GALNT16: variants seen among roughly 807,000 people sequenced by gnomAD.
GALNT16 encodes the protein UDP-GalNAc:polypeptide N-acetylgalactosaminyltransferase-like protein 1.
A neutral mutation model predicts 76.1 loss-of-function variants in GALNT16; 40 were observed. The observed-to-expected ratio is 0.53, with a 90% CI of 0.41 to 0.68. The LOEUF (loss-of-function observed/expected upper bound fraction) is 0.68, where lower values mean the gene tolerates loss of function less well. GALNT16 is among the 30% of genes least tolerant of loss of function. The pLI, the probability that GALNT16 is intolerant of heterozygous loss-of-function variation, is 0.00. For missense variants in GALNT16, 621 were observed against 731.9 expected (o/e 0.85, Z 1.75); for synonymous variants, 276 against 285.2 (o/e 0.97, Z 0.32).
At chr14:69,323,079 G>A (rs967664210) in intron 2 of GALNT16, among the ~76,000 whole-genome samples, 4 of 152,082 alleles carry the variant, frequency 2.6e-5, no homozygotes, top group Non-Finnish European at 5.9e-5. Context: ...CAGTTTGCTG[G>A]TAGAAGCTGC....
chr14:69,283,825 C>T (rs532250761), intron 1 of GALNT16, among the ~76,000 whole-genome samples: 17 of 152,274 alleles, frequency 1.1e-4, no homozygotes, highest in African/African-American at 4.1e-4. Flanking sequence ...CTCGTCTTCC[C>T]TGTGTCATGT....
chr14:69,285,561 T>A (rs1248150833), intron 1 of GALNT16, among the ~76,000 whole-genome samples: 1 of 152,114 alleles, frequency 6.6e-6, no homozygotes, highest in Non-Finnish European at 1.5e-5. Context: ...TTAAGAAAGA[T>A]CCTTTAATTT....
At chr14:69,275,509 TTG>T (rs1325794229) in intron 1 of GALNT16, among the ~76,000 whole-genome samples, 2 of 152,222 alleles carry the variant, frequency 1.3e-5, no homozygotes, top group Admixed American at 1.3e-4. Context: ...TATATCATCC[TTG>T]GGTGTGTCTA....
chr14:69,301,937 C>A (rs951887530), intron 1 of GALNT16, among the ~76,000 whole-genome samples: 1 of 152,086 alleles, frequency 6.6e-6, no homozygotes, highest in Non-Finnish European at 1.5e-5. Flanking sequence ...TGCAGTGAGC[C>A]GAGATGGCGC....
At chr14:69,384,397 A>G in the GALNT16 span, among the ~76,000 whole-genome samples, 2 of 152,222 alleles carry the variant, frequency 1.3e-5, no homozygotes, top group Admixed American at 6.5e-5. Context: ...GCCTTGTCAA[A>G]GGGAGCTAGC....
intron 1 of GALNT16, among the ~76,000 whole-genome samples, chr14:69,319,828 T>C (rs1222023857): frequency 1.3e-5 from 2 of 152,240 alleles, no homozygotes; most frequent in Non-Finnish European, 1.5e-5. Context: ...GATGCATCAC[T>C]GTCTGAGCAC....
chr14:69,260,492 G>C (rs2044249949), intron 1 of GALNT16, 25 bp downstream of exon 1: 4 of 1,345,822 alleles, frequency 3.0e-6, no homozygotes, highest in Non-Finnish European at 3.8e-6. Flanking sequence ...AGCGTCGGCC[G>C]GCCGGCTAGG....
the GALNT16 span, among the ~76,000 whole-genome samples, chr14:69,377,804 C>CAAAAAAAAAAAAAAAAAAAA: frequency 2.7e-5 from 1 of 37,486 alleles, no homozygotes; most frequent in Non-Finnish European, 4.6e-5. Flanking sequence ...GAGACTGTCT[C>CAAAAAAAAAAAAAAAAAAAA]AAAAAAAAAA....
intron 12 of GALNT16, among the ~76,000 whole-genome samples, chr14:69,346,022 G>A (rs1269630468): frequency 6.6e-6 from 1 of 151,830 alleles, no homozygotes; most frequent in Non-Finnish European, 1.5e-5. Context: ...CAAGTACGTG[G>A]GACTATAGGC....
intron 1 of GALNT16, among the ~76,000 whole-genome samples, chr14:69,281,393 C>T (rs187933186): frequency 1.1e-3 from 163 of 152,252 alleles, no homozygotes; most frequent in African/African-American, 3.6e-3. Flanking sequence ...CATATAAAGA[C>T]GGGGAGAACC....
At chr14:69,365,176 G>C in the GALNT16 span, among the ~76,000 whole-genome samples, 88 of 152,292 alleles carry the variant, frequency 5.8e-4, no homozygotes, top group African/African-American at 2.1e-3. Context: ...TCCCTAAACT[G>C]TTTCCAAATG....
At position 69,325,977 on chromosome 14, in the gene GALNT16, T is replaced by A; in HGVS notation, c.518T>A (p.Leu173His). 1 of 1,613,974 alleles carries A rather than the reference T, an allele frequency of 6.2e-7. No individual in the cohort carries two copies. The change falls in exon 5 of 15, where the codon CTC becomes CAC. Residue 173 changes from leucine (L) to histidine (H), a missense_variant. Coordinates refer to ENST00000448469, the MANE Select transcript of GALNT16 (RefSeq NM_001168368.2). ...GCATCCTCAGCGGAAGACTGTCTAC[T>A]CCTGACCAGGATCCCCAAGGTCAAG... Reference protein sequence around the residue: ...DFSSDPEDCLLLTRIPKVKCL... With the variant: ...DFSSDPEDCLHLTRIPKVKCL...
At chr14:69,312,608 C>T (rs57936476) in intron 1 of GALNT16, among the ~76,000 whole-genome samples, 1 of 152,172 alleles carries the variant, frequency 6.6e-6, no homozygotes, top group Non-Finnish European at 1.5e-5. Context: ...GCTGAGAGGA[C>T]CCAGGAAATC....
the GALNT16 span, among the ~76,000 whole-genome samples, chr14:69,385,916 C>T: frequency 3.3e-5 from 5 of 152,212 alleles, no homozygotes; most frequent in Non-Finnish European, 7.3e-5. Context: ...TCCTAAGACA[C>T]TCTCCTTCAC....
chr14:69,323,838 A>G (rs549701409), intron 2 of GALNT16, among the ~76,000 whole-genome samples: 4 of 152,320 alleles, frequency 2.6e-5, no homozygotes, highest in Non-Finnish European at 4.4e-5. Flanking sequence ...GAATGCCACA[A>G]TGAAAAAACG....
chr14:69,290,433 C>G (rs2044674895), intron 1 of GALNT16, among the ~76,000 whole-genome samples: 1 of 152,208 alleles, frequency 6.6e-6, no homozygotes, highest in Non-Finnish European at 1.5e-5. Flanking sequence ...AACAGCACGG[C>G]AGGGACAGAC....
In GALNT16 at chr14:69,261,697, C is replaced by T. The variant is rs1048976073; in HGVS notation, c.177+1230C>T. On this transcript the variant is annotated intron_variant, in intron 1 of 14. Transcript: ENST00000448469. This position sits in a 1 kb window ranked among gnomAD's most constrained non-coding sequence, Gnocchi z 6.4. Reference sequence around the variant, plus strand: ...ACGCGGATCTGAACCCCAGGAATATCGGGAAGTTCATTGGAGAGTGTCCCC... The same window carrying T: ...ACGCGGATCTGAACCCCAGGAATATTGGGAAGTTCATTGGAGAGTGTCCCC... Among the ~76,000 whole-genome samples the T allele has an allele frequency of 6.6e-6, 1 of 152,094 alleles. No homozygotes were observed. The highest frequency in any genetic ancestry group is 2.4e-5 in the African/African-American group (1 of 41,408).
intron 6 of GALNT16, among the ~76,000 whole-genome samples, chr14:69,330,718 G>A (rs1313469298): frequency 6.6e-6 from 1 of 152,166 alleles, no homozygotes; most frequent in African/African-American, 2.4e-5. Flanking sequence ...GAAGAAAGAA[G>A]AGGCTCTGTT....
At chr14:69,371,391 T>G in the GALNT16 span, among the ~76,000 whole-genome samples, 1 of 151,754 alleles carries the variant, frequency 6.6e-6, no homozygotes, top group African/African-American at 2.4e-5. Flanking sequence ...GTAGCTGGGA[T>G]TACAGGCACG....
Sources: gnomAD v4.1 joint callset for allele counts (sites outside exome capture counted in the v4.1 genomes callset) on GRCh38, gnomAD v4.1.1 for gene constraint, Gnocchi (gnomAD v3.1) non-coding constraint, MANE v1.5 for transcripts, NCBI Gene and HGNC (gene_info 2026-07-23, HGNC 2026-07-21) for gene names.